The following NRG3 variants were observed in gnomAD, a reference collection of about 807,000 sequenced individuals.
NRG3 encodes the protein neuregulin 3, also known as pro-neuregulin-3, membrane-bound isoform.
A neutral mutation model predicts 66.9 loss-of-function variants in NRG3; 31 were observed. That is an observed-to-expected ratio of 0.46 (90% CI 0.35 to 0.63). NRG3 has a LOEUF of 0.63. Among genes scored for constraint, NRG3 ranks in the 20% least tolerant of loss-of-function variants. The pLI is 0.00. For synonymous variants in NRG3, 393 were observed against 359.4 expected (o/e 1.09, Z -1.06); for missense variants, 910 against 878.9 (o/e 1.04, Z -0.45).
chr10:82,450,465 T>C (rs1245765348), intron 2 of NRG3, among the ~76,000 whole-genome samples: 2 of 152,188 alleles, frequency 1.3e-5, no homozygotes, highest in Non-Finnish European at 2.9e-5. Flanking sequence ...GGAAAACTCA[T>C]GCTTTATATA....
chr10:82,590,579 G>A (rs1171403593), intron 2 of NRG3, among the ~76,000 whole-genome samples: 1 of 152,154 alleles, frequency 6.6e-6, no homozygotes. Flanking sequence ...GCTCCCCACA[G>A]ACCTACTGAA....
intron 2 of NRG3, among the ~76,000 whole-genome samples, chr10:82,567,853 A>G (rs2045507040): frequency 6.6e-6 from 1 of 151,756 alleles, no homozygotes; most frequent in African/African-American, 2.4e-5. Flanking sequence ...TAATTAATGA[A>G]CTCATATATA....
intron 2 of NRG3, among the ~76,000 whole-genome samples, chr10:82,677,844 G>A (rs967716838): frequency 4.6e-5 from 7 of 152,150 alleles, no homozygotes; most frequent in African/African-American, 1.7e-4. Context: ...ACTGTTTGAC[G>A]TTTGTCTTGG....
chr10:82,201,904 T>C (rs2074847321), intron 1 of NRG3, among the ~76,000 whole-genome samples: 1 of 152,114 alleles, frequency 6.6e-6, no homozygotes, highest in Non-Finnish European at 1.5e-5. Context: ...CTGTTGAGGA[T>C]TTAGAGAAGA....
intron 1 of NRG3, among the ~76,000 whole-genome samples, chr10:81,896,887 A>G (rs1843578939): frequency 6.6e-6 from 1 of 152,158 alleles, no homozygotes; most frequent in Non-Finnish European, 1.5e-5. Flanking sequence ...ATAATGATGG[A>G]GATTTTCTCA....
At chr10:81,984,162 C>T (rs1258612910) in intron 1 of NRG3, among the ~76,000 whole-genome samples, 1 of 152,116 alleles carries the variant, frequency 6.6e-6, no homozygotes, top group Admixed American at 6.5e-5. Context: ...GACATTAACT[C>T]AGAGAGACCA....
chr10:82,377,459 C>T (rs555293704), intron 2 of NRG3, among the ~76,000 whole-genome samples: 388 of 118,052 alleles, frequency 3.3e-3, no homozygotes, highest in African/African-American at 0.017. Context: ...TGTGTGTGTG[C>T]GCGAGCGCAC....
In NRG3 at chr10:82,429,533, T is replaced by C. The variant is rs564689918; in HGVS notation, c.953+70665T>C. Among the ~76,000 whole-genome samples, 5 of 152,240 alleles carry C rather than the reference T, an allele frequency of 3.3e-5. No individual in the cohort carries two copies. In the East Asian group the frequency reaches 9.6e-4, roughly 29 times the overall value. Reference sequence around the variant, plus strand: ...GACTCCTTGTGTACTGTAAATTTTGTGTTTTTTTCTCTTTGCATTCAGTCT... The same window carrying C: ...GACTCCTTGTGTACTGTAAATTTTGCGTTTTTTTCTCTTTGCATTCAGTCT... On this transcript the variant is annotated intron_variant, in intron 2 of 8. Coordinates refer to ENST00000372141, the MANE Select transcript of NRG3 (RefSeq NM_001010848.4).
rs147086228 is a variant in NRG3 at position 82,847,116 on chromosome 10, G to T, written c.1028-18295G>T. 6.7e-3 allele frequency among the ~76,000 whole-genome samples: 1,025 copies of T among 152,274 alleles called. 13 individuals are homozygous for T. The highest frequency in any genetic ancestry group is 0.023 in the African/African-American group (972 of 41,572). On this transcript the variant is annotated intron_variant, in intron 3 of 8. Transcript: ENST00000372141. ...AAACTCATGCAGCTGCCTTCGAATTGCAGGAAGGCTGCTCTGTCCAGCCTC... is the reference window on the plus strand; with the variant it reads ...AAACTCATGCAGCTGCCTTCGAATTTCAGGAAGGCTGCTCTGTCCAGCCTC...
At chr10:82,944,923 A>T (rs1328586950) in intron 4 of NRG3, among the ~76,000 whole-genome samples, 1 of 152,210 alleles carries the variant, frequency 6.6e-6, no homozygotes, top group Non-Finnish European at 1.5e-5. Context: ...GGCTCTCTAC[A>T]TGTAGGTTTT....
At chr10:81,945,529 A>C (rs927812657) in intron 1 of NRG3, among the ~76,000 whole-genome samples, 3 of 152,154 alleles carry the variant, frequency 2.0e-5, no homozygotes, top group African/African-American at 4.8e-5. Context: ...CATTTCATAG[A>C]ACACATAATA....
At chr10:81,952,522 T>C (rs944444531) in intron 1 of NRG3, among the ~76,000 whole-genome samples, 5 of 152,028 alleles carry the variant, frequency 3.3e-5, no homozygotes, top group Admixed American at 6.6e-5. Flanking sequence ...TCTCCCTGCT[T>C]ATGCAAGACT....
intron 2 of NRG3, among the ~76,000 whole-genome samples, chr10:82,640,996 T>A: frequency 6.6e-6 from 1 of 151,072 alleles, no homozygotes; most frequent in Non-Finnish European, 1.5e-5. Flanking sequence ...GGTCTTTAAA[T>A]TTTTCAGTCT....
chr10:82,553,163 G>T (rs1385727858), intron 2 of NRG3, among the ~76,000 whole-genome samples: 1 of 152,002 alleles, frequency 6.6e-6, no homozygotes, highest in East Asian at 1.9e-4. Flanking sequence ...TAAAATGAAG[G>T]CAAATGGAAT....
chr10:82,312,150 G>A (rs1052783853), intron 1 of NRG3, among the ~76,000 whole-genome samples: 3 of 152,080 alleles, frequency 2.0e-5, no homozygotes, highest in African/African-American at 7.2e-5. Context: ...CTAAGCAAGG[G>A]TATTTTCTTC....
chr10:82,417,482 C>T (rs1453566358), intron 2 of NRG3, among the ~76,000 whole-genome samples: 1 of 152,168 alleles, frequency 6.6e-6, no homozygotes, highest in Non-Finnish European at 1.5e-5. Context: ...GACTGTAGGG[C>T]ACAGTGAACA....
chr10:82,613,729 C>T (rs986029909), intron 2 of NRG3, among the ~76,000 whole-genome samples: 2 of 151,248 alleles, frequency 1.3e-5, no homozygotes, highest in African/African-American at 4.9e-5. Flanking sequence ...GGTACATGTG[C>T]ATAATGTGCA....
intron 1 of NRG3, among the ~76,000 whole-genome samples, chr10:82,008,938 A>G (rs1288337822): frequency 6.6e-6 from 1 of 152,142 alleles, no homozygotes; most frequent in East Asian, 1.9e-4. Context: ...CAGGGCCTAT[A>G]TATGGAGAGT....
At chr10:82,269,060 T>C (rs1228315010) in intron 1 of NRG3, among the ~76,000 whole-genome samples, 6 of 152,138 alleles carry the variant, frequency 3.9e-5, no homozygotes, top group African/African-American at 1.4e-4. Flanking sequence ...TTAAAAAAGT[T>C]TGTCTTCCTC....
Sources: gnomAD v4.1 joint callset for allele counts (sites outside exome capture counted in the v4.1 genomes callset) on GRCh38, gnomAD v4.1.1 for gene constraint, MANE v1.5 for transcripts, NCBI Gene and HGNC (gene_info 2026-07-23, HGNC 2026-07-21) for gene names.